Variants in GRID1 observed in about 807,000 individuals in gnomAD.
GRID1 encodes glutamate receptor ionotropic, delta-1.
A neutral mutation model predicts 98.0 loss-of-function variants in GRID1; 28 were observed. That is an observed-to-expected ratio of 0.29 (90% CI 0.21 to 0.39). The LOEUF is 0.39. GRID1 is among the 10% of genes least tolerant of loss of function. The pLI, the probability that GRID1 is intolerant of heterozygous loss-of-function variation, is 1.00. For missense variants in GRID1, 1,111 were observed against 1,340.5 expected (o/e 0.83, Z 2.67); for synonymous variants, 553 against 538.5 (o/e 1.03, Z -0.37).
intron 4 of GRID1, among the ~76,000 whole-genome samples, chr10:86,049,481 T>C (rs1011707195): frequency 1.3e-5 from 2 of 152,224 alleles, no homozygotes; most frequent in African/African-American, 2.4e-5. Context: ...CCTGGCCTGA[T>C]TGTGAGATTG....
intron 3 of GRID1, among the ~76,000 whole-genome samples, chr10:86,167,200 C>T (rs911692485): frequency 2.0e-5 from 3 of 152,230 alleles, no homozygotes; most frequent in Non-Finnish European, 4.4e-5. Flanking sequence ...TCCAATAAAG[C>T]AGGACAGAGG....
intron 8 of GRID1, among the ~76,000 whole-genome samples, chr10:85,836,923 G>T (rs1842916423): frequency 6.6e-6 from 1 of 152,130 alleles, no homozygotes; most frequent in Non-Finnish European, 1.5e-5. Flanking sequence ...GAGCTCCAAT[G>T]AAGTGGCTCC....
intron 2 of GRID1, among the ~76,000 whole-genome samples, chr10:86,267,384 C>T (rs944715590): frequency 1.3e-5 from 2 of 152,236 alleles, no homozygotes; most frequent in Non-Finnish European, 2.9e-5. Flanking sequence ...TCAACCCAGC[C>T]CCGCCCTGGG....
At chr10:85,798,635 T>C (rs1182354397) in intron 8 of GRID1, among the ~76,000 whole-genome samples, 1 of 152,188 alleles carries the variant, frequency 6.6e-6, no homozygotes, top group Admixed American at 6.5e-5. Flanking sequence ...ATTTTTCATA[T>C]ACATACTGTC....
chr10:85,641,012 C>G (rs1843110129), intron 13 of GRID1, among the ~76,000 whole-genome samples: 1 of 152,210 alleles, frequency 6.6e-6, no homozygotes, highest in African/African-American at 2.4e-5. Context: ...AGCTACTCAT[C>G]TATTTATTCA....
chr10:86,182,114 C>T (rs895832818), intron 3 of GRID1, among the ~76,000 whole-genome samples: 2 of 152,220 alleles, frequency 1.3e-5, no homozygotes, highest in African/African-American at 4.8e-5. Flanking sequence ...GTGCAGACAG[C>T]CTTAGAGCTG....
At chr10:86,103,197 G>A (rs1249927712) in intron 4 of GRID1, among the ~76,000 whole-genome samples, 5 of 152,154 alleles carry the variant, frequency 3.3e-5, no homozygotes, top group Non-Finnish European at 7.4e-5. Flanking sequence ...TGGCAGCTAT[G>A]ACCACACCCC....
intron 3 of GRID1, among the ~76,000 whole-genome samples, chr10:86,143,416 C>T (rs1490951945): frequency 6.6e-6 from 1 of 152,104 alleles, no homozygotes; most frequent in African/African-American, 2.4e-5. Flanking sequence ...CTGTCTGCTG[C>T]TGCTGCTCAC....
intron 4 of GRID1, among the ~76,000 whole-genome samples, chr10:85,969,566 A>C (rs1484782770): frequency 6.6e-6 from 1 of 152,174 alleles, no homozygotes; most frequent in Admixed American, 6.5e-5. Context: ...GAATATGTGG[A>C]AATTAGACCA....
At chr10:85,829,322 A>G (rs11814216) in intron 8 of GRID1, among the ~76,000 whole-genome samples, 13,008 of 152,208 alleles carry the variant, frequency 0.085, 710 homozygotes, top group Middle Eastern at 0.17. Context: ...AAAGTCATAT[A>G]TAACAAACCC....
intron 4 of GRID1, 105 bp downstream of exon 4, chr10:86,138,714 C>T (rs567578841): frequency 2.6e-5 from 22 of 856,100 alleles, no homozygotes; most frequent in Admixed American, 8.5e-5. Flanking sequence ...TCTCCATGTC[C>T]GTTTAGGCCA....
At chr10:86,258,891 A>C (rs564977967) in intron 2 of GRID1, among the ~76,000 whole-genome samples, 2 of 152,374 alleles carry the variant, frequency 1.3e-5, no homozygotes, top group African/African-American at 4.8e-5. Flanking sequence ...AGACATAAGA[A>C]ACTGATCATA....
intron 2 of GRID1, among the ~76,000 whole-genome samples, chr10:86,315,960 CCTAT>C (rs1564736911): frequency 6.6e-6 from 1 of 152,138 alleles, no homozygotes; most frequent in Non-Finnish European, 1.5e-5. Flanking sequence ...TTTTCTAACT[CCTAT>C]CTGTCAACCC....
intron 12 of GRID1, among the ~76,000 whole-genome samples, chr10:85,700,427 C>T (rs1041065473): frequency 6.6e-6 from 1 of 152,186 alleles, no homozygotes; most frequent in Non-Finnish European, 1.5e-5. Flanking sequence ...GCCTTCCAAC[C>T]TGAGCCTCTG....
At chr10:86,363,151 G>A (rs1017214025) in intron 2 of GRID1, among the ~76,000 whole-genome samples, 1 of 152,266 alleles carries the variant, frequency 6.6e-6, no homozygotes, top group African/African-American at 2.4e-5. Context: ...AGGAGGGAAA[G>A]CAGAGGGGGT....
intron 4 of GRID1, among the ~76,000 whole-genome samples, chr10:86,106,016 GGAT>G (rs1361466681): frequency 6.6e-6 from 1 of 152,138 alleles, no homozygotes; most frequent in Non-Finnish European, 1.5e-5. Flanking sequence ...TTGCAAAGGA[GGAT>G]GATGATATCC....
intron 4 of GRID1, among the ~76,000 whole-genome samples, chr10:85,960,500 C>T (rs770585553): frequency 6.8e-4 from 103 of 152,272 alleles, no homozygotes; most frequent in Middle Eastern, 3.4e-3. Context: ...CTCTAGCCTT[C>T]AACACTGAGC....
chr10:85,912,430 C>T (rs1012183595), intron 5 of GRID1, among the ~76,000 whole-genome samples: 4 of 152,146 alleles, frequency 2.6e-5, no homozygotes, highest in Non-Finnish European at 2.9e-5. Context: ...GTCTGTAATA[C>T]GTAGCACCAA....
intron 3 of GRID1, among the ~76,000 whole-genome samples, chr10:86,171,275 G>A (rs12416217): frequency 2.6e-5 from 4 of 152,190 alleles, no homozygotes; most frequent in Admixed American, 2.0e-4. Flanking sequence ...GGGACCTGGG[G>A]CAATAGAAGC....
Sources: gnomAD v4.1 joint callset for allele counts (sites outside exome capture counted in the v4.1 genomes callset) on GRCh38, gnomAD v4.1.1 for gene constraint, MANE v1.5 for transcripts, NCBI Gene and HGNC (gene_info 2026-07-23, HGNC 2026-07-21) for gene names.